Variants in CCPG1 observed in about 807,000 individuals in gnomAD.
CCPG1 encodes cell cycle progression protein 1.
CCPG1 carries 46 observed loss-of-function variants against 81.3 expected under a neutral mutation model. The ratio of observed to expected loss-of-function variants is 0.57; its 90% CI spans 0.45 to 0.72. The LOEUF (loss-of-function observed/expected upper bound fraction) is 0.72. Ranked by LOEUF, CCPG1 falls within the 30% of genes least tolerant of loss-of-function variation. The probability of loss-of-function intolerance (pLI) is 0.00; values close to 1 mark genes in which losing one functional copy is unlikely to be tolerated. For missense variants in CCPG1, 902 were observed against 937.6 expected (o/e 0.96, Z 0.50); for synonymous variants, 330 against 305.2 (o/e 1.08, Z -0.85).
chr15:55,378,370 C>G lies in CCPG1; in HGVS notation c.182G>C (p.Ser61Thr). The G allele has an allele frequency of 6.2e-7, 1 of 1,604,122 alleles. No individual in the cohort carries two copies. Among genetic ancestry groups the G allele is most frequent in the East Asian group, 2.2e-5 (1 of 44,746 alleles). The change falls in exon 4 of 9, where the codon AGC (serine) becomes ACC (threonine). Residue 61 changes from serine (S) to threonine (T), a missense_variant. Ser to Thr is a moderately conservative substitution (Grantham distance 58, BLOSUM62 1). Transcript: ENST00000442196. ...TTCCATAAGCACTGTGCCATTTTGG[C>G]TGCTTTCTGATATAAAGCAAAGATC... ...QALQIEQGES[S>T]QNGTVLMEET...
At chr15:55,404,868 G>A (rs1456830854) in intron 1 of CCPG1, among the ~76,000 whole-genome samples, 1 of 152,142 alleles carries the variant, frequency 6.6e-6, no homozygotes, top group Admixed American at 6.5e-5. Context: ...TCAGGAGATC[G>A]AGACCATCCT....
At chr15:55,364,205 C>T (rs965277636) in intron 7 of CCPG1, among the ~76,000 whole-genome samples, 1 of 150,582 alleles carries the variant, frequency 6.6e-6, no homozygotes, top group Non-Finnish European at 1.5e-5. Context: ...CATAAACCCA[C>T]AGAGGTGTTA....
chr15:55,379,526 CA>C (rs1243852741), intron 3 of CCPG1, among the ~76,000 whole-genome samples: 1 of 151,156 alleles, frequency 6.6e-6, no homozygotes, highest in Non-Finnish European at 1.5e-5. Flanking sequence ...GACTATGTCT[CA>C]AAAAAAAGTC....
intron 1 of CCPG1, among the ~76,000 whole-genome samples, chr15:55,397,516 T>G (rs975952997): frequency 6.6e-6 from 1 of 151,904 alleles, no homozygotes; most frequent in Non-Finnish European, 1.5e-5. Flanking sequence ...GTGAAGACAG[T>G]GAGAAATGGA....
intron 6 of CCPG1, among the ~76,000 whole-genome samples, chr15:55,367,907 C>T (rs1446964399): frequency 6.6e-6 from 1 of 152,178 alleles, no homozygotes; most frequent in Non-Finnish European, 1.5e-5. Flanking sequence ...TCTTAACTGA[C>T]TGACTATTCT....
Position 55,384,758 on chromosome 15 carries a change from A to AT in CCPG1, c.175+841dup, listed in dbSNP as rs1359839263. On this transcript the variant is annotated intron_variant, in intron 3 of 8. Transcript: ENST00000442196. ...ATATGCTATCGGAAAAATGGCATTA[A>AT]TAGACTTGCTCAACACAGGGTTGCC... 3.9e-5 allele frequency among the ~76,000 whole-genome samples: 6 copies of AT among 152,202 alleles called. 1 individual carries two copies. Among genetic ancestry groups the AT allele is most frequent in the African/African-American group, 1.4e-4 (6 of 41,460 alleles).
intron 2 of CCPG1, among the ~76,000 whole-genome samples, chr15:55,386,118 G>T (rs180851776): frequency 6.6e-6 from 1 of 151,584 alleles, no homozygotes; most frequent in African/African-American, 2.4e-5. Flanking sequence ...GGCTGGGCAC[G>T]GTGGCTCACG....
At chr15:55,394,353 G>A (rs1242093381) in intron 1 of CCPG1, among the ~76,000 whole-genome samples, 3 of 152,082 alleles carry the variant, frequency 2.0e-5, no homozygotes, top group African/African-American at 7.2e-5. Flanking sequence ...ATAGCTCACA[G>A]GTTTCTGGTT....
intron 3 of CCPG1, among the ~76,000 whole-genome samples, chr15:55,381,558 C>A (rs1335031991): frequency 6.6e-6 from 1 of 152,186 alleles, no homozygotes; most frequent in Non-Finnish European, 1.5e-5. Flanking sequence ...AGATGAGAAT[C>A]ACTTTTCAAA....
intron 7 of CCPG1, among the ~76,000 whole-genome samples, chr15:55,364,574 CA>C (rs1248893985): frequency 6.6e-6 from 1 of 150,516 alleles, no homozygotes; most frequent in Non-Finnish European, 1.5e-5. Flanking sequence ...CAAAACAAAA[CA>C]AAACAAAAAA....
chr15:55,369,988 T>C (rs1004044846), intron 6 of CCPG1, among the ~76,000 whole-genome samples: 6 of 148,796 alleles, frequency 4.0e-5, no homozygotes, highest in Non-Finnish European at 8.8e-5. Context: ...TTGTTTCAGC[T>C]AGATAGTCTA....
chr15:55,358,788 T>C (rs1319242971), intron 8 of CCPG1: 7 of 984,412 alleles, frequency 7.1e-6, no homozygotes, highest in Non-Finnish European at 8.4e-6. Flanking sequence ...CCTTTGTTCA[T>C]TATAGGACTA....
At chr15:55,358,507 T>C in intron 8 of CCPG1, 6 of 985,454 alleles carry the variant, frequency 6.1e-6, no homozygotes, top group Non-Finnish European at 7.2e-6. Context: ...TCTACCCTGC[T>C]TCCTTAAAGC....
At position 55,374,359 on chromosome 15, in the gene CCPG1, C is replaced by T. The variant is rs759206384; in HGVS notation, c.455-2315G>A. ...TTATCACTTAACATTGTTATCCGTA[C>T]AAAATTAAAACGTAATAACCATGCC... is the stretch of plus-strand genomic sequence containing the variant. On this transcript the variant is annotated intron_variant, in intron 5 of 8. Transcript: ENST00000442196. 1.9e-5 allele frequency: 10 copies of T among 532,278 alleles called. No individual in the cohort carries two copies. The African/African-American group carries it at 2.0e-4, about 11-fold the overall frequency. The allele number at this position is 532,278 out of a possible 1,614,324, so 33.0% of individuals were successfully genotyped here. A position where few individuals can be genotyped will look rare whatever the true frequency, so the allele number is the denominator to read the frequency against.
intron 6 of CCPG1, among the ~76,000 whole-genome samples, chr15:55,366,461 G>C (rs2056329819): frequency 6.6e-6 from 1 of 152,114 alleles, no homozygotes; most frequent in South Asian, 2.1e-4. Context: ...GAGTAGCACT[G>C]TCCTTATCCC....
intron 6 of CCPG1, 43 bp from the exon 7 acceptor site, chr15:55,365,352 A>C: frequency 8.7e-7 from 1 of 1,150,016 alleles, no homozygotes; most frequent in Non-Finnish European, 1.3e-6. Flanking sequence ...CAAAAATATT[A>C]TCATTAAATG....
intron 1 of CCPG1, among the ~76,000 whole-genome samples, chr15:55,392,798 T>C (rs2056947285): frequency 1.3e-5 from 2 of 152,288 alleles, no homozygotes; most frequent in African/African-American, 4.8e-5. Flanking sequence ...ATGACAGGCA[T>C]AAGCGGTTGT....
chr15:55,405,942 G>A (rs2141357496), intron 1 of CCPG1, among the ~76,000 whole-genome samples: 1 of 152,308 alleles, frequency 6.6e-6, no homozygotes, highest in African/African-American at 2.4e-5. Context: ...TCGGCTCACT[G>A]CAACTTCTGC....
intron 1 of CCPG1, among the ~76,000 whole-genome samples, chr15:55,406,973 G>A (rs1566988153): frequency 6.6e-6 from 1 of 151,228 alleles, no homozygotes. Flanking sequence ...CCAGCACTCT[G>A]GGAGGCCGAA....
Sources: gnomAD v4.1 joint callset for allele counts (sites outside exome capture counted in the v4.1 genomes callset) on GRCh38, gnomAD v4.1.1 for gene constraint, MANE v1.5 for transcripts, NCBI Gene and HGNC (gene_info 2026-07-23, HGNC 2026-07-21) for gene names.